FABP3: variants seen among roughly 807,000 people sequenced by gnomAD.
FABP3 encodes the protein fatty acid-binding protein, heart.
Under a neutral mutation model 13.4 loss-of-function variants are expected in FABP3, and 8 were observed. That is an observed-to-expected ratio of 0.60 (90% confidence interval 0.35 to 1.07). FABP3 has a LOEUF of 1.07. Ranked by LOEUF, FABP3 falls within the 50% of genes least tolerant of loss-of-function variation. FABP3 has a pLI of 0.02. For synonymous variants in FABP3, 64 were observed against 60.0 expected (o/e 1.07, Z -0.31); for missense variants, 135 against 164.7 (o/e 0.82, Z 0.99).
intron 1 of FABP3, among the ~76,000 whole-genome samples, chr1:31,371,039 G>A (rs995724877): frequency 6.6e-5 from 10 of 152,188 alleles, no homozygotes; most frequent in South Asian, 2.1e-4. Context: ...TTTGAACCTC[G>A]GCTCCAAAAC....
chr1:31,361,757 A>T (rs1045049335), downstream of FABP3, among the ~76,000 whole-genome samples: 1 of 151,978 alleles, frequency 6.6e-6, no homozygotes, highest in African/African-American at 2.4e-5. Flanking sequence ...ACTTGTCACC[A>T]TAGGTGTTTT....
At chr1:31,361,816 T>C (rs12137784), downstream of FABP3, among the ~76,000 whole-genome samples, 15,494 of 150,616 alleles carry the variant, frequency 0.1, 990 homozygotes, top group Non-Finnish European at 0.14. Flanking sequence ...TTTATTTATT[T>C]ATTTATTTAT....
chr1:31,367,152 A>T (rs1482740775), intron 3 of FABP3, among the ~76,000 whole-genome samples: 1 of 152,126 alleles, frequency 6.6e-6, no homozygotes, highest in Admixed American at 6.5e-5. Flanking sequence ...TTACAGTTGC[A>T]CTTGGAAAAG....
chr1:31,364,338 A>G, downstream of FABP3: 1 of 1,403,220 alleles, frequency 7.1e-7, no homozygotes, highest in Admixed American at 2.9e-5. Flanking sequence ...CTCATGCAAC[A>G]GGCAGGTTTG....
At position 31,366,052 on chromosome 1, in the gene FABP3, ATATG is replaced by A. The variant is rs777978927; in HGVS notation, c.349-117_349-114del. Reference sequence around the variant, plus strand: ...CTTGAGTACCTACTATGTGCCGGCTATATGTATGTATGTGTGTGTGTGTGTGTGT... The same window carrying A: ...CTTGAGTACCTACTATGTGCCGGCTATATGTATGTGTGTGTGTGTGTGTGT... On this transcript the variant is annotated intron_variant, in intron 3 of 3. Coordinates refer to ENST00000373713, the MANE Select transcript of FABP3 (RefSeq NM_004102.5). The A allele has an allele frequency of 2.4e-3, 1,901 of 778,610 alleles. 8 individuals are homozygous for A. Among genetic ancestry groups the A allele is most frequent in the Non-Finnish European group, 2.3e-3 (1,116 of 475,092 alleles). 48.2% of individuals were successfully genotyped at this position (778,610 alleles called of 1,614,324 possible).
intron 1 of FABP3, among the ~76,000 whole-genome samples, chr1:31,370,188 G>A (rs931737546): frequency 2.6e-5 from 4 of 151,540 alleles, no homozygotes; most frequent in African/African-American, 9.7e-5. Context: ...AGTTCTTCCT[G>A]TTCTTCTGAA....
intron 1 of FABP3, 81 bp from the exon 2 acceptor site, chr1:31,369,638 G>T: frequency 5.1e-6 from 7 of 1,359,490 alleles, no homozygotes; most frequent in Non-Finnish European, 7.2e-6. Flanking sequence ...TAACTCTCAG[G>T]CCTGGGTATG....
chr1:31,365,588 ACT>A lies in FABP3; in HGVS notation c.*296_*297del, dbSNP rs2148493041. The stretch of plus-strand genomic sequence containing the variant: ...AACCTTCAGGCCGTTATTTCTGCCC[ACT>A]CTCTGACACACAGGATAAACCAAGA... On this transcript the variant is annotated 3_prime_UTR_variant, in exon 4 of 4. Coordinates refer to ENST00000373713, the MANE Select transcript of FABP3 (RefSeq NM_004102.5). 1 of 344,734 alleles carries A rather than the reference ACT, an allele frequency of 2.9e-6. No individual in the cohort carries two copies. Among genetic ancestry groups the A allele is most frequent in the Non-Finnish European group, 5.5e-6 (1 of 182,760 alleles). 21.4% of individuals were successfully genotyped at this position (344,734 alleles called of 1,614,324 possible). A position where few individuals can be genotyped will look rare whatever the true frequency, so the allele number is the denominator to read the frequency against.
intron 2 of FABP3, chr1:31,369,086 C>T: frequency 3.0e-6 from 1 of 337,410 alleles, no homozygotes; most frequent in Non-Finnish European, 5.5e-6. Flanking sequence ...CAGGGTCACC[C>T]AGCTGGAGCT....
downstream of FABP3, among the ~76,000 whole-genome samples, chr1:31,363,357 G>C (rs1384403452): frequency 5.9e-5 from 9 of 151,960 alleles, no homozygotes; most frequent in African/African-American, 2.2e-4. Context: ...CTAATATTTT[G>C]TATTTTTAGT....
chr1:31,360,145 AATTTTG>A, the FABP3 span, among the ~76,000 whole-genome samples: 1 of 151,198 alleles, frequency 6.6e-6, no homozygotes, highest in Non-Finnish European at 1.5e-5. Flanking sequence ...ACGCCCGGCT[AATTTTG>A]TTTTTGTGTG....
downstream of FABP3, among the ~76,000 whole-genome samples, chr1:31,361,225 TC>T (rs1639878903): frequency 6.6e-6 from 1 of 152,228 alleles, no homozygotes; most frequent in African/African-American, 2.4e-5. Context: ...TTGCCTTCTC[TC>T]TACTCCATTG....
downstream of FABP3, among the ~76,000 whole-genome samples, chr1:31,362,107 G>A (rs1453875989): frequency 6.6e-6 from 1 of 152,190 alleles, no homozygotes. Flanking sequence ...ACCGCGCCCA[G>A]CCAGTAGATG....
downstream of FABP3, chr1:31,364,712 C>T (rs1045971523): frequency 6.5e-6 from 1 of 154,842 alleles, no homozygotes; most frequent in African/African-American, 2.4e-5. Flanking sequence ...CCCATTCCTC[C>T]TAACATAGTT....
At chr1:31,369,710 G>A (rs1403154954) in intron 1 of FABP3, 153 bp from the exon 2 acceptor site, 44 of 689,750 alleles carry the variant, frequency 6.4e-5, no homozygotes, top group East Asian at 4.9e-4. Flanking sequence ...TCAGTCTTGC[G>A]CTTAGTTCTG....
chr1:31,361,984 G>A (rs1228553744), downstream of FABP3, among the ~76,000 whole-genome samples: 1 of 151,938 alleles, frequency 6.6e-6, no homozygotes, highest in Non-Finnish European at 1.5e-5. Context: ...GCCAATTTTT[G>A]TATTTTTAGT....
intron 3 of FABP3, among the ~76,000 whole-genome samples, chr1:31,366,395 T>G (rs578208546): frequency 6.6e-6 from 1 of 152,282 alleles, no homozygotes; most frequent in Admixed American, 6.5e-5. Flanking sequence ...GCCAGAGCCC[T>G]GTACCTCCCA....
chr1:31,371,422 T>C (rs1477666856), intron 1 of FABP3, among the ~76,000 whole-genome samples: 2 of 152,206 alleles, frequency 1.3e-5, no homozygotes, highest in Non-Finnish European at 2.9e-5. Flanking sequence ...AATATTGAGC[T>C]GACAGAATTT....
chr1:31,363,900 C>T, downstream of FABP3: 3 of 1,387,200 alleles, frequency 2.2e-6, no homozygotes, highest in African/African-American at 4.4e-5. Context: ...TGGCCTCAAG[C>T]ATTCCTCCCA....
Sources: allele counts gnomAD v4.1 joint callset (sites outside exome capture counted in the v4.1 genomes callset), GRCh38; gene constraint gnomAD v4.1.1; transcripts MANE v1.5; gene names NCBI Gene and HGNC (gene_info 2026-07-23, HGNC 2026-07-21).